The following GABRA2 variants were observed in gnomAD, a reference collection of about 807,000 sequenced individuals.
GABRA2 encodes the protein gamma-aminobutyric acid type A receptor subunit alpha2, also known as gamma-aminobutyric acid receptor subunit alpha-2.
In GABRA2, 16 loss-of-function variants were observed where a neutral mutation model predicts 48.7. The observed-to-expected ratio is 0.33, with a 90% CI of 0.22 to 0.50. GABRA2 has a LOEUF of 0.50. GABRA2 is among the 20% of genes least tolerant of loss of function. GABRA2 has a pLI of 0.98. For synonymous variants in GABRA2, 185 were observed against 184.5 expected (o/e 1.00, Z -0.02); for missense variants, 275 against 535.6 (o/e 0.51, Z 4.80).
chr4:46,263,597 C>T (rs1027994792), intron 8 of GABRA2, among the ~76,000 whole-genome samples: 6 of 152,008 alleles, frequency 3.9e-5, no homozygotes, highest in African/African-American at 1.4e-4. Flanking sequence ...ACATATCTAT[C>T]CTTAGTCAAG....
chr4:46,382,959 C>A (rs1350157145), intron 3 of GABRA2, among the ~76,000 whole-genome samples: 1 of 152,024 alleles, frequency 6.6e-6, no homozygotes, highest in Non-Finnish European at 1.5e-5. Context: ...CAAATTGAGC[C>A]CATTTTTCCC....
intron 4 of GABRA2, among the ~76,000 whole-genome samples, chr4:46,325,372 C>T (rs982064950): frequency 4.6e-5 from 7 of 151,930 alleles, no homozygotes; most frequent in African/African-American, 1.7e-4. Context: ...TTGTTGCCTC[C>T]ATGTGTGTCA....
Position 46,389,921 on chromosome 4 carries a change from G to A in GABRA2, c.-197C>T, listed in dbSNP as rs2109397322. ...ATGGGCTGGTGGAAGCCGGAGAGGA[G>A]CGCTAGGAGCCGCGGCGGCGGCGCG... On this transcript the variant is annotated 5_prime_UTR_variant, in exon 1 of 10. Coordinates refer to ENST00000381620, the MANE Select transcript of GABRA2 (RefSeq NM_000807.4). 1.0e-6 allele frequency: 1 copy of A among 987,912 alleles called. No homozygotes were observed. Among genetic ancestry groups the A allele is most frequent in the Non-Finnish European group, 1.2e-6 (1 of 831,804 alleles). The allele number at this position is 987,912 out of a possible 1,614,324, so 61.2% of individuals were successfully genotyped here.
intron 8 of GABRA2, among the ~76,000 whole-genome samples, chr4:46,278,072 T>G (rs1395198696): frequency 2.0e-5 from 3 of 152,250 alleles, no homozygotes; most frequent in African/African-American, 7.2e-5. Context: ...TATACAAATA[T>G]GGAAAGTAGT....
intron 6 of GABRA2, among the ~76,000 whole-genome samples, 182 bp from the exon 7 acceptor site, chr4:46,305,893 CA>C (rs1472144952): frequency 2.0e-5 from 3 of 151,966 alleles, no homozygotes; most frequent in Non-Finnish European, 4.4e-5. Flanking sequence ...TGAAGTAGAC[CA>C]AAAGAGATGA....
chr4:46,375,065 A>G (rs1018931140), intron 3 of GABRA2, among the ~76,000 whole-genome samples: 3 of 152,144 alleles, frequency 2.0e-5, no homozygotes, highest in African/African-American at 4.8e-5. Flanking sequence ...TCATGTATCA[A>G]ATTAAGATTG....
Position 46,305,709 on chromosome 4 carries a change from C to T in GABRA2, c.562G>A (p.Ala188Thr), listed in dbSNP as rs768736908. 5 of 1,602,216 alleles carry T rather than the reference C, an allele frequency of 3.1e-6. No individual in the cohort carries two copies. Among genetic ancestry groups the T allele is most frequent in the Non-Finnish European group, 4.3e-6 (5 of 1,172,960 alleles). ...TAAGTGACCTCTGAAGTTGTATATGCATCTATAGGAAATCAGAAAAAATAT... is the reference window on the plus strand; with the variant it reads ...TAAGTGACCTCTGAAGTTGTATATGTATCTATAGGAAATCAGAAAAAATAT... ...HSCPLKFGSY[A>T]YTTSEVTYIW... The change falls in exon 7 of 10, where the codon GCA becomes ACA. Residue 188 changes from alanine to threonine, a missense_variant and splice_region_variant. This residue lies in a region of GABRA2 where 113 missense variants were observed against 257.1 expected (regional missense o/e 0.44). Transcript: ENST00000381620.
chr4:46,339,624 T>C (rs972939250), intron 3 of GABRA2, among the ~76,000 whole-genome samples: 1 of 151,886 alleles, frequency 6.6e-6, no homozygotes, highest in African/African-American at 2.4e-5. Flanking sequence ...TGATATATGC[T>C]ATCAGAGTAT....
chr4:46,244,193 CT>C lies in GABRA2; in HGVS notation c.*6114del, dbSNP rs1008456962. The stretch of plus-strand genomic sequence containing the variant: ...ATGTCTTTCTAATTATACGTTACAC[CT>C]TTTTACACATTATGATCAGTTTAAA... On this transcript the variant is annotated 3_prime_UTR_variant, in exon 10 of 10. Transcript: ENST00000381620. The C allele has an allele frequency of 4.6e-5, 7 of 151,636 alleles. No individual in the cohort carries two copies. Among genetic ancestry groups the C allele is most frequent in the Non-Finnish European group, 8.9e-5 (6 of 67,678 alleles). 9.4% of individuals were successfully genotyped at this position (151,636 alleles called of 1,614,324 possible). A position where few individuals can be genotyped will look rare whatever the true frequency, so the allele number is the denominator to read the frequency against.
rs946891497 is a variant in GABRA2 at position 46,246,433 on chromosome 4, A to C, written c.*3875T>G. 6.6e-6 allele frequency among the ~76,000 whole-genome samples: 1 copy of C among 151,138 alleles called. No individual in the cohort carries two copies. Among genetic ancestry groups the C allele is most frequent in the Non-Finnish European group, 1.5e-5 (1 of 67,444 alleles). ...TACAAGTGGTTTTGGTATAGTGTCC[A>C]TGTTTCTCAAGCATGCAGATGTCAA... On this transcript the variant is annotated 3_prime_UTR_variant, in exon 10 of 10. Transcript: ENST00000381620.
Position 46,386,108 on chromosome 4 carries a change from A to AG in GABRA2, c.152_153insC (p.Gly52TrpfsTer4). Reference sequence around the variant, plus strand: ...CTGGTCTAAGCCGATTATCGTAACCATCCAGAAGTCTGTCAAGAATTCTCG... The same window carrying AG: ...CTGGTCTAAGCCGATTATCGTAACCAGTCCAGAAGTCTGTCAAGAATTCTCG... On this transcript the variant is annotated frameshift_variant, in exon 3 of 10. Coordinates refer to ENST00000381620, the MANE Select transcript of GABRA2 (RefSeq NM_000807.4). LOFTEE classifies it high-confidence loss of function. 6.2e-7 allele frequency: 1 copy of AG among 1,611,556 alleles called. No homozygotes were observed. Among genetic ancestry groups the AG allele is most frequent in the Non-Finnish European group, 8.5e-7 (1 of 1,178,900 alleles).
intron 3 of GABRA2, chr4:46,368,998 C>T (rs1714477255): frequency 1.4e-6 from 1 of 700,744 alleles, no homozygotes; most frequent in Non-Finnish European, 2.6e-6. Flanking sequence ...GGAGATTCCA[C>T]TCTGGAAACT....
chr4:46,390,003 AGAGGAGGAG>A lies in GABRA2; in HGVS notation c.-288_-280del, dbSNP rs529968776. 3.2e-6 allele frequency: 3 copies of A among 952,322 alleles called. No homozygotes were observed. Among genetic ancestry groups the A allele is most frequent in the South Asian group, 9.7e-5 (2 of 20,578 alleles). 59.0% of individuals were successfully genotyped at this position (952,322 alleles called of 1,614,324 possible). ...GGCGGTGATGGGCGGAGGAGGAGGA[AGAGGAGGAG>A]GAGGAAGAGGAGGAGGGGGAAAACG... On this transcript the variant is annotated 5_prime_UTR_variant, in exon 1 of 10. Transcript: ENST00000381620.
rs200388451 is a variant in GABRA2, at chr4:46,389,779, A to G, written c.-55T>C. Reference sequence around the variant, plus strand: ...TCGGTGTTTTCTTCCTTTTGCCCTGATCTTGACGAGATAGGAAACTTGGGA... The same window carrying G: ...TCGGTGTTTTCTTCCTTTTGCCCTGGTCTTGACGAGATAGGAAACTTGGGA... On this transcript the variant is annotated 5_prime_UTR_variant, in exon 1 of 10. Transcript: ENST00000381620. 2.1e-6 allele frequency: 2 copies of G among 963,542 alleles called. No homozygotes were observed. The highest frequency in any genetic ancestry group is 4.0e-5 in the African/African-American group (2 of 49,800). 59.7% of individuals were successfully genotyped at this position (963,542 alleles called of 1,614,324 possible). A position where few individuals can be genotyped will look rare whatever the true frequency, so the allele number is the denominator to read the frequency against.
At chr4:46,365,940 T>A (rs564671355) in intron 3 of GABRA2, 20 of 152,286 alleles carry the variant, frequency 1.3e-4, no homozygotes, top group African/African-American at 3.8e-4. Context: ...TGTATCATAT[T>A]ACTTCAATAT....
chr4:46,320,177 G>T (rs1430987496), intron 4 of GABRA2, among the ~76,000 whole-genome samples: 1 of 151,744 alleles, frequency 6.6e-6, no homozygotes, highest in Non-Finnish European at 1.5e-5. Context: ...CTGGAGTTTT[G>T]GAATTTCTGA....
Position 46,364,047 on chromosome 4 carries a change from A to G in GABRA2, c.187+22027T>C, listed in dbSNP as rs2109970656. The G allele has an allele frequency of 2.0e-5, 3 of 152,318 alleles. No individual in the cohort carries two copies. The South Asian group carries it at 6.2e-4, about 32-fold the overall frequency. The allele number at this position is 152,318 out of a possible 1,614,324, so 9.4% of individuals were successfully genotyped here. Reference sequence around the variant, plus strand: ...AGGTAAAGTGTCACATCAATGCCATATCGTATTCTGTAGATGGCATGTTAT... The same window carrying G: ...AGGTAAAGTGTCACATCAATGCCATGTCGTATTCTGTAGATGGCATGTTAT... On this transcript the variant is annotated intron_variant, in intron 3 of 9. Transcript: ENST00000381620.
chr4:46,330,806 T>C (rs1731223640), intron 4 of GABRA2, among the ~76,000 whole-genome samples: 1 of 151,996 alleles, frequency 6.6e-6, no homozygotes. Flanking sequence ...TAATAATTTA[T>C]ATAATATGCT....
At chr4:46,252,165 T>A (rs1714902266) in intron 9 of GABRA2, among the ~76,000 whole-genome samples, 1 of 151,480 alleles carries the variant, frequency 6.6e-6, no homozygotes, top group Admixed American at 6.6e-5. Context: ...ATTACCCATC[T>A]TTCACTGGCC....
Sources: allele counts gnomAD v4.1 joint callset (sites outside exome capture counted in the v4.1 genomes callset), GRCh38; gene constraint gnomAD v4.1.1; regional missense constraint gnomAD v4.1.1; transcripts MANE v1.5; gene names NCBI Gene and HGNC (gene_info 2026-07-23, HGNC 2026-07-21).